Variants in SVIL observed in about 807,000 individuals in gnomAD.
The protein encoded by SVIL is supervillin.
A neutral mutation model predicts 240.4 loss-of-function variants in SVIL; 101 were observed. The ratio of observed to expected loss-of-function variants is 0.42; its 90% CI spans 0.36 to 0.50. The LOEUF is 0.50. Among genes scored for constraint, SVIL ranks in the 20% least tolerant of loss-of-function variants. SVIL has a pLI of 0.01. For synonymous variants in SVIL, 999 were observed against 1,100.0 expected (o/e 0.91, Z 1.82); for missense variants, 2,512 against 2,818.7 (o/e 0.89, Z 2.46).
intron 12 of SVIL, among the ~76,000 whole-genome samples, chr10:29,527,277 T>C (rs1314838178): frequency 6.6e-6 from 1 of 152,144 alleles, no homozygotes; most frequent in African/African-American, 2.4e-5. Flanking sequence ...GGGGTAAGAA[T>C]AGGTGTTCAG....
chr10:29,729,963 A>G (rs983361262), intron 1 of SVIL, among the ~76,000 whole-genome samples: 3 of 151,408 alleles, frequency 2.0e-5, no homozygotes, highest in African/African-American at 4.9e-5. Flanking sequence ...CTGAGGCAGA[A>G]GGATCACTTG....
chr10:29,568,675 A>G (rs1327392447), intron 2 of SVIL, among the ~76,000 whole-genome samples: 2 of 152,178 alleles, frequency 1.3e-5, no homozygotes, highest in Non-Finnish European at 2.9e-5. Context: ...CATTAGGTCA[A>G]TCAAATTAGC....
At chr10:29,567,127 C>A (rs1023479425) in intron 2 of SVIL, among the ~76,000 whole-genome samples, 1 of 152,116 alleles carries the variant, frequency 6.6e-6, no homozygotes, top group South Asian at 2.1e-4. Flanking sequence ...GCCGCCACCC[C>A]CCTTCCTCTG....
Position 29,523,431 on chromosome 10 carries a change from T to C in SVIL, c.3163+20A>G, listed in dbSNP as rs1468917943. ...AAAACCCAGTGGCTTTCTAAAGCTT[T>C]AGGGGCACTGGTCACTTACCTCTTA... On this transcript the variant is annotated intron_variant, in intron 15 of 37. Transcript: ENST00000355867. 2.5e-6 allele frequency: 4 copies of C among 1,570,440 alleles called. No individual in the cohort carries two copies. The highest frequency in any genetic ancestry group is 3.5e-6 in the Non-Finnish European group (4 of 1,159,218).
intron 15 of SVIL, among the ~76,000 whole-genome samples, chr10:29,523,249 C>A (rs1950677331): frequency 6.6e-6 from 1 of 152,182 alleles, no homozygotes; most frequent in Non-Finnish European, 1.5e-5. Context: ...TGTGAAAGCT[C>A]TTCCAGTAGT....
chr10:29,605,478 T>C (rs1956985417), intron 1 of SVIL, among the ~76,000 whole-genome samples: 1 of 152,176 alleles, frequency 6.6e-6, no homozygotes, highest in African/African-American at 2.4e-5. Flanking sequence ...AGGCTGAGCA[T>C]CTTTCCATAT....
intron 1 of SVIL, among the ~76,000 whole-genome samples, chr10:29,612,311 A>G (rs1733146488): frequency 6.6e-6 from 1 of 152,172 alleles, no homozygotes; most frequent in Non-Finnish European, 1.5e-5. Context: ...AAAATATTTT[A>G]GAGTTCCCTG....
intron 35 of SVIL, 126 bp downstream of exon 35, chr10:29,463,366 C>T: frequency 7.6e-7 from 1 of 1,309,076 alleles, no homozygotes; most frequent in African/African-American, 1.5e-5. Context: ...TTCATCACCA[C>T]CTGCCAGGCT....
chr10:29,477,910 T>C (rs1457259435), intron 29 of SVIL, among the ~76,000 whole-genome samples: 1 of 152,264 alleles, frequency 6.6e-6, no homozygotes, highest in Non-Finnish European at 1.5e-5. Context: ...AAGTCTGAAC[T>C]CTTCGCTTTA....
intron 3 of SVIL, among the ~76,000 whole-genome samples, chr10:29,644,893 T>A (rs1262576464): frequency 6.6e-6 from 1 of 151,146 alleles, no homozygotes; most frequent in Non-Finnish European, 1.5e-5. Flanking sequence ...CGTGGGAGGA[T>A]GGGGTCTGAC....
intron 29 of SVIL, among the ~76,000 whole-genome samples, chr10:29,479,393 T>C (rs546902765): frequency 6.6e-6 from 1 of 152,252 alleles, no homozygotes; most frequent in East Asian, 1.9e-4. Context: ...ACAACAGAAA[T>C]GTCTCAGGGA....
chr10:29,537,171 A>C (rs1951803107), intron 6 of SVIL, among the ~76,000 whole-genome samples: 1 of 152,226 alleles, frequency 6.6e-6, no homozygotes, highest in South Asian at 2.1e-4. Context: ...TTGCTATTAC[A>C]CATTTTCCTT....
chr10:29,598,129 C>T (rs1395330156), intron 1 of SVIL, among the ~76,000 whole-genome samples: 2 of 152,004 alleles, frequency 1.3e-5, no homozygotes, highest in East Asian at 3.9e-4. Flanking sequence ...TATAATAAGC[C>T]AGTCACAAAA....
intron 6 of SVIL, among the ~76,000 whole-genome samples, chr10:29,549,603 C>CA (rs1336139053): frequency 6.8e-6 from 1 of 146,880 alleles, no homozygotes; most frequent in African/African-American, 2.5e-5. Flanking sequence ...TTCACAATAG[C>CA]AAAGACTTGG....
intron 1 of SVIL, among the ~76,000 whole-genome samples, chr10:29,690,967 G>A (rs61400577): frequency 0.014 from 2,063 of 152,208 alleles, 49 homozygotes; most frequent in African/African-American, 0.047. Flanking sequence ...ACATTCATTC[G>A]TTCAGATAAT....
chr10:29,682,373 C>T (rs1960730399), intron 2 of SVIL, among the ~76,000 whole-genome samples: 1 of 152,150 alleles, frequency 6.6e-6, no homozygotes, highest in Admixed American at 6.5e-5. Context: ...TCAGTTTAGC[C>T]AGAGAGACAC....
chr10:29,700,237 G>T (rs1040955841), intron 1 of SVIL, among the ~76,000 whole-genome samples: 12 of 152,112 alleles, frequency 7.9e-5, no homozygotes, highest in African/African-American at 2.9e-4. Flanking sequence ...GTAAAATAAA[G>T]ATCATCCTAA....
At chr10:29,725,016 G>C (rs1367125223) in intron 1 of SVIL, among the ~76,000 whole-genome samples, 1 of 117,636 alleles carries the variant, frequency 8.5e-6, no homozygotes, top group Non-Finnish European at 1.6e-5. Context: ...GCTACAGAGT[G>C]AGACCCGGTC....
intron 3 of SVIL, among the ~76,000 whole-genome samples, chr10:29,559,288 GT>G (rs1724597213): frequency 8.9e-6 from 1 of 112,172 alleles, no homozygotes; most frequent in Non-Finnish European, 1.7e-5. Flanking sequence ...ACTATATTGG[GT>G]TTATTTTTAT....
Sources: gnomAD v4.1 joint callset for allele counts (sites outside exome capture counted in the v4.1 genomes callset) on GRCh38, gnomAD v4.1.1 for gene constraint, MANE v1.5 for transcripts, NCBI Gene and HGNC (gene_info 2026-07-23, HGNC 2026-07-21) for gene names.